The following DSCAM variants were observed in gnomAD, a reference collection of about 807,000 sequenced individuals.
DSCAM encodes cell adhesion molecule DSCAM.
DSCAM carries 47 observed loss-of-function variants against 217.7 expected under a neutral mutation model. That is an observed-to-expected ratio of 0.22 (90% confidence interval 0.17 to 0.28). The LOEUF (loss-of-function observed/expected upper bound fraction) is 0.28, where lower values mean the gene tolerates loss of function less well. DSCAM is among the 10% of genes least tolerant of loss of function. The pLI, the probability that DSCAM is intolerant of heterozygous loss-of-function variation, is 1.00. For synonymous variants in DSCAM, 1,056 were observed against 1,015.3 expected, an observed-to-expected ratio of 1.04 and a Z score of -0.76; for missense variants, 2,080 against 2,618.3, an observed-to-expected ratio of 0.79 and a Z score of 4.49.
chr21:40,534,867 G>T (rs2076482897), intron 3 of DSCAM, among the ~76,000 whole-genome samples: 2 of 152,030 alleles, frequency 1.3e-5, no homozygotes. Context: ...ATCATGGGCG[G>T]TTGTAATGAT....
Position 40,842,787 on chromosome 21 carries a change from C to T in DSCAM, c.43+3832G>A, listed in dbSNP as rs146215022. On this transcript the variant is annotated intron_variant, in intron 1 of 32. Coordinates refer to ENST00000400454, the MANE Select transcript of DSCAM (RefSeq NM_001389.5). ...GCTGTATTGCGCTGGTTCTGCCCCC[C>T]GTGACTCACTGATCCCCCGAGGCAG... Among the ~76,000 whole-genome samples the T allele has an allele frequency of 1.4e-4, 21 of 152,262 alleles. No individual in the cohort carries two copies. In the East Asian group the frequency reaches 1.9e-3, roughly 14 times the overall value.
intron 8 of DSCAM, among the ~76,000 whole-genome samples, chr21:40,332,833 T>C (rs893900163): frequency 6.6e-6 from 1 of 152,118 alleles, no homozygotes; most frequent in Non-Finnish European, 1.5e-5. Context: ...AGGCATATGC[T>C]CCAAAATAAG....
chr21:40,677,329 C>T (rs1362101188), intron 3 of DSCAM, among the ~76,000 whole-genome samples: 2 of 151,932 alleles, frequency 1.3e-5, no homozygotes, highest in African/African-American at 2.4e-5. Flanking sequence ...AAGGAAGACA[C>T]GATCCAACAT....
intron 10 of DSCAM, among the ~76,000 whole-genome samples, chr21:40,279,598 C>G (rs960372172): frequency 6.6e-6 from 1 of 152,118 alleles, no homozygotes; most frequent in Non-Finnish European, 1.5e-5. Flanking sequence ...CTAGAAATAC[C>G]ATTTGACCCA....
intron 10 of DSCAM, among the ~76,000 whole-genome samples, chr21:40,288,840 G>C (rs897966767): frequency 2.0e-5 from 3 of 152,086 alleles, no homozygotes; most frequent in Non-Finnish European, 4.4e-5. Flanking sequence ...TATTTTATCT[G>C]TTTCAGCTGC....
chr21:40,784,050 TTATA>T (rs1443676593), intron 1 of DSCAM, among the ~76,000 whole-genome samples: 25 of 149,472 alleles, frequency 1.7e-4, no homozygotes, highest in Non-Finnish European at 3.4e-4. Context: ...ATTATTTTAT[TTATA>T]AATATATACA....
intron 32 of DSCAM, among the ~76,000 whole-genome samples, chr21:40,020,872 T>C (rs998132884): frequency 1.3e-5 from 2 of 152,268 alleles, no homozygotes; most frequent in African/African-American, 4.8e-5. Flanking sequence ...ATGGTGGATT[T>C]GCACACCATG....
At chr21:40,242,689 C>G (rs1685712761) in intron 11 of DSCAM, among the ~76,000 whole-genome samples, 1 of 152,208 alleles carries the variant, frequency 6.6e-6, no homozygotes. Context: ...GACACTGTGA[C>G]ATGCAACTTT....
At chr21:40,099,483 C>T (rs1037072110) in intron 20 of DSCAM, among the ~76,000 whole-genome samples, 2 of 152,278 alleles carry the variant, frequency 1.3e-5, no homozygotes, top group East Asian at 3.9e-4. Context: ...CCCTTTGATG[C>T]CACTGTGTAT....
At chr21:40,820,501 C>T (rs922173608) in intron 1 of DSCAM, among the ~76,000 whole-genome samples, 3 of 152,092 alleles carry the variant, frequency 2.0e-5, no homozygotes, top group Admixed American at 2.0e-4. Context: ...GGACAAATAC[C>T]TAATGCATAT....
intron 16 of DSCAM, among the ~76,000 whole-genome samples, chr21:40,166,934 A>G (rs1394969534): frequency 6.6e-6 from 1 of 151,728 alleles, no homozygotes; most frequent in Non-Finnish European, 1.5e-5. Context: ...AGGGACATCA[A>G]TTTTACTATT....
intron 20 of DSCAM, among the ~76,000 whole-genome samples, chr21:40,116,537 T>C (rs2089972157): frequency 6.6e-6 from 1 of 152,052 alleles, no homozygotes; most frequent in Non-Finnish European, 1.5e-5. Flanking sequence ...TAATCCTTGG[T>C]TGATCCAAGA....
chr21:40,271,600 A>T (rs1181301712), intron 11 of DSCAM, among the ~76,000 whole-genome samples: 2 of 152,206 alleles, frequency 1.3e-5, no homozygotes, highest in Non-Finnish European at 2.9e-5. Context: ...AAATTCGTTT[A>T]GCCAAAGAGA....
intron 8 of DSCAM, 39 bp from the exon 9 acceptor site, chr21:40,312,398 T>A: frequency 6.3e-7 from 1 of 1,599,784 alleles, no homozygotes; most frequent in Non-Finnish European, 8.5e-7. Flanking sequence ...ACTGTGCTTA[T>A]TCTACATTTG....
At chr21:40,616,918 G>A (rs1268842982) in intron 3 of DSCAM, among the ~76,000 whole-genome samples, 1 of 148,498 alleles carries the variant, frequency 6.7e-6, no homozygotes, top group African/African-American at 2.5e-5. Context: ...TTGGGAGGCT[G>A]AGGCAGGAGA....
chr21:40,550,763 T>C (rs2076623609), intron 3 of DSCAM, among the ~76,000 whole-genome samples: 1 of 152,200 alleles, frequency 6.6e-6, no homozygotes, highest in Non-Finnish European at 1.5e-5. Flanking sequence ...CCATAATATG[T>C]TCAGAGTAAC....
At chr21:40,200,949 C>G (rs2091063361) in intron 11 of DSCAM, among the ~76,000 whole-genome samples, 3 of 152,246 alleles carry the variant, frequency 2.0e-5, no homozygotes, top group Admixed American at 2.0e-4. Flanking sequence ...AGGCTGCCTA[C>G]TGGGCAGCTC....
chr21:40,374,057 A>ATATC (rs2074926074), intron 3 of DSCAM, among the ~76,000 whole-genome samples: 2 of 17,152 alleles, frequency 1.2e-4, no homozygotes, highest in Non-Finnish European at 1.9e-4. Flanking sequence ...TAAATTTCAA[A>ATATC]TCACAAAAAA....
chr21:40,156,911 G>A (rs2090484538), intron 16 of DSCAM, among the ~76,000 whole-genome samples: 3 of 152,216 alleles, frequency 2.0e-5, no homozygotes, highest in South Asian at 2.1e-4. Context: ...TATGGCGGGA[G>A]GGGCTAGCCT....
Sources: gnomAD v4.1 joint callset for allele counts (sites outside exome capture counted in the v4.1 genomes callset) on GRCh38, gnomAD v4.1.1 for gene constraint, MANE v1.5 for transcripts, NCBI Gene and HGNC (gene_info 2026-07-23, HGNC 2026-07-21) for gene names.